The following PMAIP1 variants were observed in gnomAD, a reference collection of about 807,000 sequenced individuals.
The protein encoded by PMAIP1 is phorbol-12-myristate-13-acetate-induced protein 1.
In PMAIP1, 3 loss-of-function variants were observed where a neutral mutation model predicts 3.7. The observed-to-expected ratio is 0.82, with a 90% CI of 0.37 to 2.12. The LOEUF (loss-of-function observed/expected upper bound fraction) is 2.12, where lower values mean the gene tolerates loss of function less well. Ranked by LOEUF, PMAIP1 falls within the 30% of genes most tolerant of loss-of-function variation. The pLI, the probability that PMAIP1 is intolerant of heterozygous loss-of-function variation, is 0.06. For missense variants in PMAIP1, 77 were observed against 67.1 expected (o/e 1.15, Z -0.52); for synonymous variants, 29 against 26.2 (o/e 1.11, Z -0.32).
chr18:59,900,884 A>G (rs546159335), intron 1 of PMAIP1, among the ~76,000 whole-genome samples: 4 of 152,242 alleles, frequency 2.6e-5, no homozygotes, highest in African/African-American at 9.6e-5. Context: ...CTAAACAGAG[A>G]ACCCAGTCAC....
intron 1 of PMAIP1, chr18:59,900,687 C>G: frequency 8.5e-7 from 1 of 1,178,252 alleles, no homozygotes; most frequent in Non-Finnish European, 1.2e-6. Flanking sequence ...CCACAAGGGC[C>G]CCTGTGTTCA....
Position 59,900,246 on chromosome 18 carries a change from G to T in PMAIP1, c.58+11G>T. 1 of 1,543,276 alleles carries T rather than the reference G, an allele frequency of 6.5e-7. No homozygotes were observed. The highest frequency in any genetic ancestry group is 1.2e-5 in the South Asian group (1 of 84,146). Reference sequence around the variant, plus strand: ...CGCGGGCTCCAGCAGGTACCGACCCGCTGGGGCCAGCGAAGACCCAGGCCG... The same window carrying T: ...CGCGGGCTCCAGCAGGTACCGACCCTCTGGGGCCAGCGAAGACCCAGGCCG... On this transcript the variant is annotated intron_variant, in intron 1 of 1. Transcript: ENST00000316660.
chr18:59,902,934 A>G lies in PMAIP1; in HGVS notation c.*181A>G, dbSNP rs1286511094. On this transcript the variant is annotated 3_prime_UTR_variant, in exon 2 of 2. Coordinates refer to ENST00000316660, the MANE Select transcript of PMAIP1 (RefSeq NM_021127.3). ...TGAATTTCTGTTCAAGTTTTCCCAG[A>G]TTATCATTCTTTGGGATGAGAGAAC... 1 of 1,012,998 alleles carries G rather than the reference A, an allele frequency of 9.9e-7. No homozygotes were observed. The highest frequency in any genetic ancestry group is 1.6e-5 in the African/African-American group (1 of 61,862). 62.8% of individuals were successfully genotyped at this position (1,012,998 alleles called of 1,614,324 possible).
chr18:59,902,765 A>G lies in PMAIP1; in HGVS notation c.*12A>G. 1 of 1,614,144 alleles carries G rather than the reference A, an allele frequency of 6.2e-7. No individual in the cohort carries two copies. The highest frequency in any genetic ancestry group is 1.3e-5 in the African/African-American group (1 of 75,046). ...GCTCAGGAACCTGACTGCATCAAAAACTTGCATGAGGGGACTCCTTCAAAA... is the reference window on the plus strand; with the variant it reads ...GCTCAGGAACCTGACTGCATCAAAAGCTTGCATGAGGGGACTCCTTCAAAA... On this transcript the variant is annotated 3_prime_UTR_variant, in exon 2 of 2. Coordinates refer to ENST00000316660, the MANE Select transcript of PMAIP1 (RefSeq NM_021127.3).
chr18:59,900,490 C>A lies in PMAIP1; in HGVS notation c.58+255C>A, dbSNP rs1599209083. The A allele has an allele frequency of 3.9e-6, 6 of 1,550,296 alleles. No homozygotes were observed. In the East Asian group the frequency reaches 1.5e-4, roughly 38 times the overall value. On this transcript the variant is annotated intron_variant, in intron 1 of 1. Transcript: ENST00000316660. ...CGGATTTGCGATTGGGATGCAGCTG[C>A]GTTTCACCAGGGGCAAAAAGCTCCT... is the stretch of plus-strand genomic sequence containing the variant.
intron 1 of PMAIP1, among the ~76,000 whole-genome samples, 197 bp from the exon 2 acceptor site, chr18:59,902,450 G>A (rs969704957): frequency 6.6e-6 from 1 of 152,170 alleles, no homozygotes; most frequent in South Asian, 2.1e-4. Flanking sequence ...TTACCTTAAC[G>A]ATTGCTTTCG....
In PMAIP1 at chr18:59,902,674, T is replaced by A; in HGVS notation, c.86T>A (p.Leu29His). 6.2e-7 allele frequency: 1 copy of A among 1,614,210 alleles called. No homozygotes were observed. Among genetic ancestry groups the A allele is most frequent in the South Asian group, 1.1e-5 (1 of 91,090 alleles). The change falls in exon 2 of 2, where the codon CTC (leucine) becomes CAC (histidine). Residue 29 changes from leucine to histidine, a missense_variant. Physicochemically the swap from Leu to His is moderately conservative, Grantham distance 99 (BLOSUM62 -3). Transcript: ENST00000316660. ...CTGGAAGTCGAGTGTGCTACTCAAC[T>A]CAGGAGATTTGGAGACAAACTGAAC... ...AELEVECATQ[L>H]RRFGDKLNFR...
chr18:59,900,521 C>T (rs2055756664), intron 1 of PMAIP1: 11 of 1,550,484 alleles, frequency 7.1e-6, no homozygotes, highest in South Asian at 1.2e-5. Context: ...CTCCTTTCCT[C>T]CTCTCTTTCC....
At chr18:59,902,576 G>T (rs752344600) in intron 1 of PMAIP1, 71 bp from the exon 2 acceptor site, 2 of 1,278,876 alleles carry the variant, frequency 1.6e-6, no homozygotes, top group Non-Finnish European at 2.3e-6. Flanking sequence ...TAGTGTGGGC[G>T]TATTAGGTTT....
intron 1 of PMAIP1, among the ~76,000 whole-genome samples, chr18:59,901,670 T>A (rs1026078655): frequency 6.6e-6 from 1 of 152,214 alleles, no homozygotes; most frequent in African/African-American, 2.4e-5. Context: ...ATAGACCAGA[T>A]TTTAATTTGT....
At chr18:59,901,853 T>C (rs2055773083) in intron 1 of PMAIP1, among the ~76,000 whole-genome samples, 1 of 152,204 alleles carries the variant, frequency 6.6e-6, no homozygotes, top group Non-Finnish European at 1.5e-5. Flanking sequence ...ATAAGCATCA[T>C]TTTTCTTAAT....
intron 1 of PMAIP1, among the ~76,000 whole-genome samples, chr18:59,901,483 G>T (rs955309278): frequency 3.9e-5 from 6 of 152,166 alleles, no homozygotes; most frequent in Non-Finnish European, 1.5e-5. Flanking sequence ...AGCCCATAAA[G>T]AATAACACCT....
rs1005749042 is a variant in PMAIP1, at chr18:59,900,292, C to T, written c.58+57C>T. ...GGCCGGGCGGGGTCGGGGCCGGGGTCGAGGTCTCGGCTGGGGCGGGCTCAG... is the reference window on the plus strand; with the variant it reads ...GGCCGGGCGGGGTCGGGGCCGGGGTTGAGGTCTCGGCTGGGGCGGGCTCAG... On this transcript the variant is annotated intron_variant, in intron 1 of 1. Coordinates refer to ENST00000316660, the MANE Select transcript of PMAIP1 (RefSeq NM_021127.3). 129 of 1,525,628 alleles carry T rather than the reference C, an allele frequency of 8.5e-5. No homozygotes were observed. In the African/African-American group the frequency reaches 1.6e-3, roughly 19 times the overall value. 94.5% of individuals were successfully genotyped at this position (1,525,628 alleles called of 1,614,324 possible). A position where few individuals can be genotyped will look rare whatever the true frequency, so the allele number is the denominator to read the frequency against.
At chr18:59,901,902 A>T (rs1348287862) in intron 1 of PMAIP1, among the ~76,000 whole-genome samples, 1 of 152,216 alleles carries the variant, frequency 6.6e-6, no homozygotes, top group Non-Finnish European at 1.5e-5. Context: ...AGTAGTAAAC[A>T]TGTGAATTAA....
At position 59,904,001 on chromosome 18, in the gene PMAIP1, AT is replaced by A. The variant is rs1395220084; in HGVS notation, c.*1253del. On this transcript the variant is annotated 3_prime_UTR_variant, in exon 2 of 2. Coordinates refer to ENST00000316660, the MANE Select transcript of PMAIP1 (RefSeq NM_021127.3). ...TATTTTGCCTATTTATAATTAAAGTATTTTTCTTTAGTTTGAAAATGTGTAT... is the reference window on the plus strand; with the variant it reads ...TATTTTGCCTATTTATAATTAAAGTATTTTCTTTAGTTTGAAAATGTGTAT... 2.6e-5 allele frequency: 4 copies of A among 152,084 alleles called. No homozygotes were observed. Among genetic ancestry groups the A allele is most frequent in the Admixed American group, 2.0e-4 (3 of 15,266 alleles). The allele number at this position is 152,084 out of a possible 1,614,324, so 9.4% of individuals were successfully genotyped here.
chr18:59,902,077 AT>A (rs1376461603), intron 1 of PMAIP1, among the ~76,000 whole-genome samples: 1 of 152,236 alleles, frequency 6.6e-6, no homozygotes, highest in Non-Finnish European at 1.5e-5. Context: ...TTATGAAAAA[AT>A]ATCAGCGTTT....
rs1436722320 is a variant in PMAIP1, at chr18:59,902,517, A to C, written c.59-130A>C. 5.4e-6 allele frequency: 4 copies of C among 742,876 alleles called. No individual in the cohort carries two copies. The African/African-American group carries it at 6.9e-5, about 13-fold the overall frequency. 46.0% of individuals were successfully genotyped at this position (742,876 alleles called of 1,614,324 possible). Reference sequence around the variant, plus strand: ...TGTCACATTTGGAAAACAGGTGCACATAAAGCCAAAGTTAAGAGAAATGCT... The same window carrying C: ...TGTCACATTTGGAAAACAGGTGCACCTAAAGCCAAAGTTAAGAGAAATGCT... On this transcript the variant is annotated intron_variant, in intron 1 of 1. Coordinates refer to ENST00000316660, the MANE Select transcript of PMAIP1 (RefSeq NM_021127.3).
chr18:59,902,871 T>G lies in PMAIP1; in HGVS notation c.*118T>G, dbSNP rs763878145. On this transcript the variant is annotated 3_prime_UTR_variant, in exon 2 of 2. Coordinates refer to ENST00000316660, the MANE Select transcript of PMAIP1 (RefSeq NM_021127.3). Reference sequence around the variant, plus strand: ...TGAGAGGAATGTGAAGGTGCATTCATGGGTGCCCTTGGAAACGGAAGATGG... The same window carrying G: ...TGAGAGGAATGTGAAGGTGCATTCAGGGGTGCCCTTGGAAACGGAAGATGG... The G allele has an allele frequency of 6.6e-7, 1 of 1,526,354 alleles. No individual in the cohort carries two copies. The highest frequency in any genetic ancestry group is 2.4e-5 in the East Asian group (1 of 42,278). 94.6% of individuals were successfully genotyped at this position (1,526,354 alleles called of 1,614,324 possible).
intron 1 of PMAIP1, among the ~76,000 whole-genome samples, chr18:59,901,369 C>T (rs7240119): frequency 0.48 from 72,614 of 152,030 alleles, 17,501 homozygotes; most frequent in Middle Eastern, 0.6. Context: ...CAGTGTCGGA[C>T]GCTGAATGGT....
Sources: gnomAD v4.1 joint callset for allele counts (sites outside exome capture counted in the v4.1 genomes callset) on GRCh38, gnomAD v4.1.1 for gene constraint, MANE v1.5 for transcripts, NCBI Gene and HGNC (gene_info 2026-07-23, HGNC 2026-07-21) for gene names.